SLC35F4: variants seen among roughly 807,000 people sequenced by gnomAD.
The protein encoded by SLC35F4 is solute carrier family 35 member F4, also known as chromosome 14 open reading frame 36.
In SLC35F4, 24 loss-of-function variants were observed where a neutral mutation model predicts 44.2. The ratio of observed to expected loss-of-function variants is 0.54; its 90% CI spans 0.39 to 0.76. The LOEUF is 0.76. Among genes scored for constraint, SLC35F4 ranks in the 30% least tolerant of loss-of-function variants. SLC35F4 has a pLI of 0.00. For missense variants in SLC35F4, 562 were observed against 586.1 expected (o/e 0.96, Z 0.42); for synonymous variants, 238 against 223.6 (o/e 1.06, Z -0.57).
intron 1 of SLC35F4, chr14:57,981,841 G>A (rs1566525431): frequency 6.6e-6 from 1 of 152,232 alleles, no homozygotes; most frequent in Non-Finnish European, 1.5e-5. Flanking sequence ...TCCATTCCGA[G>A]TTCATCTGGC....
intron 1 of SLC35F4, among the ~76,000 whole-genome samples, chr14:57,638,885 C>T (rs1440126179): frequency 6.6e-6 from 1 of 152,046 alleles, no homozygotes; most frequent in Non-Finnish European, 1.5e-5. Flanking sequence ...AGAATGCAAG[C>T]CTAGAGTTAG....
chr14:57,873,218 G>A (rs1888330810), intron 1 of SLC35F4, among the ~76,000 whole-genome samples: 1 of 152,082 alleles, frequency 6.6e-6, no homozygotes, highest in South Asian at 2.1e-4. Flanking sequence ...ATCCCACGAA[G>A]GGTCAATTGC....
At chr14:57,591,056 A>T (rs2070145812) in intron 2 of SLC35F4, among the ~76,000 whole-genome samples, 1 of 152,246 alleles carries the variant, frequency 6.6e-6, no homozygotes, top group African/African-American at 2.4e-5. Context: ...TAAATCTTAT[A>T]AACAGTACTG....
intron 1 of SLC35F4, among the ~76,000 whole-genome samples, chr14:57,821,349 A>G (rs1308648093): frequency 1.3e-5 from 2 of 152,242 alleles, no homozygotes; most frequent in Non-Finnish European, 2.9e-5. Context: ...TTGGCAAATA[A>G]TGATTACAGC....
chr14:57,583,573 G>C (rs890212828), intron 3 of SLC35F4, among the ~76,000 whole-genome samples: 1 of 152,192 alleles, frequency 6.6e-6, no homozygotes, highest in Non-Finnish European at 1.5e-5. Context: ...ATTCCAGACA[G>C]ACAGAGCCTC....
intron 1 of SLC35F4, among the ~76,000 whole-genome samples, chr14:57,838,382 T>G (rs1461748512): frequency 6.6e-6 from 1 of 152,212 alleles, no homozygotes; most frequent in East Asian, 1.9e-4. Flanking sequence ...TATCTTCTAG[T>G]CAGGGGCCAG....
intron 1 of SLC35F4, among the ~76,000 whole-genome samples, chr14:57,788,779 G>A (rs952436338): frequency 1.3e-5 from 2 of 151,870 alleles, no homozygotes; most frequent in Non-Finnish European, 1.5e-5. Context: ...AACGCTCCTC[G>A]ACAAATGCAA....
At chr14:57,640,008 A>G (rs2073158904) in intron 1 of SLC35F4, among the ~76,000 whole-genome samples, 1 of 152,008 alleles carries the variant, frequency 6.6e-6, no homozygotes, top group African/African-American at 2.4e-5. Context: ...CCCTTTTTCT[A>G]TATTAAAAAT....
chr14:57,669,731 G>C (rs1175381438), intron 1 of SLC35F4, among the ~76,000 whole-genome samples: 5 of 152,108 alleles, frequency 3.3e-5, no homozygotes, highest in South Asian at 2.1e-4. Context: ...GATTCGGTTT[G>C]TCAGTATTTT....
At chr14:57,974,686 C>A (rs1033349528), downstream of SLC35F4, among the ~76,000 whole-genome samples, 5 of 152,106 alleles carry the variant, frequency 3.3e-5, no homozygotes, top group African/African-American at 1.2e-4. Flanking sequence ...CAATCCTGCT[C>A]ATTTCACTGA....
rs963692936 is a variant in SLC35F4 at position 57,865,787 on chromosome 14, G to C, written c.39C>G (p.Ile13Met). The change falls in exon 1 of 8, where the codon ATC (isoleucine) becomes ATG (methionine). Residue 13 changes from isoleucine to methionine, a missense_variant. By Grantham distance (10) the Ile-to-Met change is conservative (BLOSUM62 1). Coordinates refer to ENST00000556826, the MANE Select transcript of SLC35F4 (RefSeq NM_001306087.2). The stretch of plus-strand genomic sequence containing the variant: ...CGGTGATCCGCAGGATCCGGTCCTC[G>C]ATAGTGGCCACCCCGTTGGGGGCCG... Reference protein sequence around the residue: ...VKAAPNGVATIEDRILRITGY... With the variant: ...VKAAPNGVATMEDRILRITGY... 2 of 1,522,320 alleles carry C rather than the reference G, an allele frequency of 1.3e-6. No homozygotes were observed. Among genetic ancestry groups the C allele is most frequent in the Middle Eastern group, 1.7e-4 (1 of 5,950 alleles). 94.3% of individuals were successfully genotyped at this position (1,522,320 alleles called of 1,614,324 possible). A position where few individuals can be genotyped will look rare whatever the true frequency, so the allele number is the denominator to read the frequency against.
chr14:57,904,940 G>C (rs1457006879), intron 1 of SLC35F4, among the ~76,000 whole-genome samples: 1 of 152,194 alleles, frequency 6.6e-6, no homozygotes, highest in Admixed American at 6.5e-5. Flanking sequence ...GTGTCTTTAT[G>C]ACATGACTTT....
intron 1 of SLC35F4, among the ~76,000 whole-genome samples, chr14:57,719,046 T>C (rs2076014520): frequency 6.6e-6 from 1 of 152,212 alleles, no homozygotes; most frequent in African/African-American, 2.4e-5. Context: ...GTTTCATTCT[T>C]CGGCATGTGG....
At chr14:57,889,674 T>C (rs781411338) in intron 1 of SLC35F4, among the ~76,000 whole-genome samples, 2 of 152,208 alleles carry the variant, frequency 1.3e-5, no homozygotes, top group African/African-American at 2.4e-5. Flanking sequence ...AATATAGATA[T>C]AGGAATATAT....
chr14:57,934,045 T>C (rs2141067824), intron 1 of SLC35F4, among the ~76,000 whole-genome samples: 1 of 152,276 alleles, frequency 6.6e-6, no homozygotes, highest in Non-Finnish European at 1.5e-5. Flanking sequence ...ATTGCGTGAG[T>C]GACAAAAGGT....
intron 1 of SLC35F4, among the ~76,000 whole-genome samples, chr14:57,839,786 T>G (rs1381054530): frequency 1.3e-5 from 2 of 152,122 alleles, no homozygotes; most frequent in African/African-American, 2.4e-5. Flanking sequence ...ATGTACATGC[T>G]CAGGACACAG....
chr14:57,716,433 C>A (rs533120583), intron 1 of SLC35F4, among the ~76,000 whole-genome samples: 16 of 152,158 alleles, frequency 1.1e-4, no homozygotes, highest in African/African-American at 3.4e-4. Flanking sequence ...TAAATAACTC[C>A]CACATGCTTA....
At chr14:57,571,486 A>T (rs1289989332) in intron 5 of SLC35F4, among the ~76,000 whole-genome samples, 2 of 152,220 alleles carry the variant, frequency 1.3e-5, no homozygotes, top group South Asian at 2.1e-4. Context: ...TAATTAAATT[A>T]AAAAACACAG....
intron 1 of SLC35F4, among the ~76,000 whole-genome samples, chr14:57,668,801 T>C (rs2074408530): frequency 6.6e-6 from 1 of 152,162 alleles, no homozygotes; most frequent in Admixed American, 6.5e-5. Context: ...TAGGATTGAC[T>C]TGGCGATGCG....
Sources: allele counts gnomAD v4.1 joint callset (sites outside exome capture counted in the v4.1 genomes callset), GRCh38; gene constraint gnomAD v4.1.1; transcripts MANE v1.5; gene names NCBI Gene and HGNC (gene_info 2026-07-23, HGNC 2026-07-21).